The following EPHA5 variants were observed in gnomAD, a reference collection of about 807,000 sequenced individuals.
EPHA5 encodes the protein ephrin type-A receptor 5.
In EPHA5, 60 loss-of-function variants were observed where a neutral mutation model predicts 105.0. The observed-to-expected ratio is 0.57, with a 90% CI of 0.46 to 0.71. EPHA5 has a LOEUF of 0.71. EPHA5 is among the 30% of genes least tolerant of loss of function. The probability of loss-of-function intolerance (pLI) is 0.00; values close to 1 mark genes in which losing one functional copy is unlikely to be tolerated. For missense variants in EPHA5, 1,218 were observed against 1,274.7 expected (o/e 0.96, Z 0.68); for synonymous variants, 513 against 449.1 (o/e 1.14, Z -1.80).
At chr4:65,420,142 C>A (rs963613812) in intron 6 of EPHA5, among the ~76,000 whole-genome samples, 4 of 152,102 alleles carry the variant, frequency 2.6e-5, no homozygotes, top group Non-Finnish European at 5.9e-5. Flanking sequence ...AAGTCTATAG[C>A]TTAAGTATTT....
chr4:65,421,551 T>A (rs1197148661), intron 5 of EPHA5, among the ~76,000 whole-genome samples: 1 of 152,112 alleles, frequency 6.6e-6, no homozygotes, highest in African/African-American at 2.4e-5. Context: ...ATATGTTTCA[T>A]AACACAACAG....
At chr4:65,421,198 C>T (rs999968424) in intron 5 of EPHA5, among the ~76,000 whole-genome samples, 5 of 151,982 alleles carry the variant, frequency 3.3e-5, no homozygotes, top group Non-Finnish European at 7.4e-5. Flanking sequence ...GTCTATGAAA[C>T]CACCACTTGT....
intron 3 of EPHA5, among the ~76,000 whole-genome samples, chr4:65,582,337 A>G (rs976033930): frequency 1.3e-5 from 2 of 151,562 alleles, no homozygotes; most frequent in East Asian, 1.9e-4. Flanking sequence ...TAAATTTTAG[A>G]TCTGAACTAT....
Position 65,540,392 on chromosome 4 carries a change from A to AT in EPHA5, c.911-44850dup, listed in dbSNP as rs560543486. Among the ~76,000 whole-genome samples the AT allele has an allele frequency of 1.5e-3, 224 of 149,784 alleles. 1 individual carries two copies. Among genetic ancestry groups the AT allele is most frequent in the Non-Finnish European group, 2.5e-3 (170 of 66,994 alleles). ...CAACACTATAGTTCAATCAGCAACC[A>AT]TTTTTTTTTCCCTCTCTGAACTATT... On this transcript the variant is annotated intron_variant, in intron 3 of 16. Coordinates refer to ENST00000613740, the MANE Select transcript of EPHA5 (RefSeq NM_001281766.3).
intron 2 of EPHA5, among the ~76,000 whole-genome samples, chr4:65,641,539 T>C (rs879764184): frequency 1.3e-5 from 2 of 152,214 alleles, no homozygotes; most frequent in Admixed American, 6.5e-5. Flanking sequence ...ATTTTAAGTC[T>C]ATATGTTTTT....
intron 5 of EPHA5, among the ~76,000 whole-genome samples, chr4:65,446,707 A>G (rs1184005510): frequency 1.3e-5 from 2 of 152,168 alleles, no homozygotes; most frequent in Non-Finnish European, 2.9e-5. Context: ...ATGTATGGAC[A>G]TAAAGTACAT....
At chr4:65,608,602 C>A (rs1744466515) in intron 2 of EPHA5, among the ~76,000 whole-genome samples, 2 of 152,044 alleles carry the variant, frequency 1.3e-5, no homozygotes. Flanking sequence ...AATGCTCAAA[C>A]AATAAAGAGT....
At chr4:65,400,716 G>A (rs1185284938) in intron 8 of EPHA5, among the ~76,000 whole-genome samples, 5 of 151,928 alleles carry the variant, frequency 3.3e-5, no homozygotes, top group African/African-American at 9.7e-5. Context: ...AAATAGATCA[G>A]TTTCACAATA....
At chr4:65,387,530 C>T (rs1263529760) in intron 8 of EPHA5, among the ~76,000 whole-genome samples, 1 of 151,868 alleles carries the variant, frequency 6.6e-6, no homozygotes, top group Admixed American at 6.6e-5. Context: ...ACAGTATACA[C>T]TAGCACAGGT....
At chr4:65,512,136 A>G (rs1464964166) in intron 3 of EPHA5, among the ~76,000 whole-genome samples, 2 of 152,140 alleles carry the variant, frequency 1.3e-5, no homozygotes, top group African/African-American at 4.8e-5. Flanking sequence ...GTCTGCCTGA[A>G]TGAAGTGATA....
intron 5 of EPHA5, among the ~76,000 whole-genome samples, chr4:65,442,142 C>T (rs1019498625): frequency 6.6e-6 from 1 of 151,968 alleles, no homozygotes; most frequent in Non-Finnish European, 1.5e-5. Flanking sequence ...GCCACAACAC[C>T]CCATCCAAAT....
chr4:65,669,619 T>A lies in EPHA5; in HGVS notation c.124A>T (p.Thr42Ser). 1 of 1,423,000 alleles carries A rather than the reference T, an allele frequency of 7.0e-7. No homozygotes were observed. Among genetic ancestry groups the A allele is most frequent in the Non-Finnish European group, 9.2e-7 (1 of 1,081,962 alleles). 88.1% of individuals were successfully genotyped at this position (1,423,000 alleles called of 1,614,324 possible). The change falls in exon 1 of 17, where the codon ACG becomes TCG. Residue 42 changes from threonine to serine, a missense_variant. Thr to Ser is a moderately conservative substitution (Grantham distance 58). Coordinates refer to ENST00000613740, the MANE Select transcript of EPHA5 (RefSeq NM_001281766.3). ...YSAPRRAPLW[T>S]CLLLCAALRT... ...AGTGCGGCGCACAGGAGAAGGCACG[T>A]CCAGAGGGGAGCCCGTCGAGGTGCA...
At chr4:65,588,621 T>G (rs1742345128) in intron 3 of EPHA5, among the ~76,000 whole-genome samples, 1 of 152,180 alleles carries the variant, frequency 6.6e-6, no homozygotes, top group African/African-American at 2.4e-5. Flanking sequence ...CCTCAGTTTC[T>G]GATCAAGGTG....
At chr4:65,564,725 T>C (rs766564669) in intron 3 of EPHA5, among the ~76,000 whole-genome samples, 10 of 151,784 alleles carry the variant, frequency 6.6e-5, no homozygotes, top group Non-Finnish European at 1.3e-4. Context: ...ATATCTGTTG[T>C]AATGGAAAAA....
rs573749784 is a variant in EPHA5 at position 65,380,228 on chromosome 4, C to A, written c.1794-12804G>T. On this transcript the variant is annotated intron_variant, in intron 8 of 16. Transcript: ENST00000613740. ...GCAGCTATAACAAGATTGTTTTAAT[C>A]CAAGTTTAAAATAGCTTAGCTCCTT... Among the ~76,000 whole-genome samples the A allele has an allele frequency of 2.0e-5, 3 of 151,842 alleles. No individual in the cohort carries two copies. The East Asian group carries it at 5.8e-4, about 30-fold the overall frequency.
chr4:65,418,575 G>A (rs1464942620), intron 6 of EPHA5, among the ~76,000 whole-genome samples: 1 of 151,974 alleles, frequency 6.6e-6, no homozygotes, highest in Non-Finnish European at 1.5e-5. Context: ...TTATGTTTCG[G>A]AATTATCTGA....
chr4:65,667,598 G>T (rs753677324), intron 1 of EPHA5, among the ~76,000 whole-genome samples: 9 of 152,032 alleles, frequency 5.9e-5, no homozygotes, highest in Non-Finnish European at 8.8e-5. Flanking sequence ...TGTTCCACAA[G>T]ATTCCAGCTC....
chr4:65,347,227 A>G (rs1722307643), intron 14 of EPHA5, among the ~76,000 whole-genome samples: 1 of 152,198 alleles, frequency 6.6e-6, no homozygotes, highest in African/African-American at 2.4e-5. Context: ...AAACTGTTCA[A>G]TATACTAGCT....
At chr4:65,435,550 C>T (rs1380495681) in intron 5 of EPHA5, among the ~76,000 whole-genome samples, 1 of 151,934 alleles carries the variant, frequency 6.6e-6, no homozygotes, top group Non-Finnish European at 1.5e-5. Context: ...TGAAATACTC[C>T]CAGATAAATT....
Sources: gnomAD v4.1 joint callset for allele counts (sites outside exome capture counted in the v4.1 genomes callset) on GRCh38, gnomAD v4.1.1 for gene constraint, MANE v1.5 for transcripts, NCBI Gene and HGNC (gene_info 2026-07-23, HGNC 2026-07-21) for gene names.